The following CTNNA2 variants were observed in gnomAD, a reference collection of about 807,000 sequenced individuals.
CTNNA2 encodes catenin alpha-2.
CTNNA2 carries 42 observed loss-of-function variants against 101.0 expected under a neutral mutation model. That is an observed-to-expected ratio of 0.42 (90% confidence interval 0.32 to 0.54). The LOEUF (loss-of-function observed/expected upper bound fraction) is 0.54, where lower values mean the gene tolerates loss of function less well. Ranked by LOEUF, CTNNA2 falls within the 20% of genes least tolerant of loss-of-function variation. The pLI, the probability that CTNNA2 is intolerant of heterozygous loss-of-function variation, is 0.14. For missense variants in CTNNA2, 871 were observed against 1,223.1 expected (o/e 0.71, Z 4.29); for synonymous variants, 450 against 456.4 (o/e 0.99, Z 0.18).
At chr2:79,804,098 T>C (rs764725943) in intron 3 of CTNNA2, among the ~76,000 whole-genome samples, 1 of 152,238 alleles carries the variant, frequency 6.6e-6, no homozygotes, top group Non-Finnish European at 1.5e-5. Context: ...GAAATGCTTA[T>C]TTCTTCCAAC....
chr2:80,460,591 C>G (rs769461125), intron 9 of CTNNA2, among the ~76,000 whole-genome samples: 2 of 152,166 alleles, frequency 1.3e-5, no homozygotes, highest in Non-Finnish European at 2.9e-5. Flanking sequence ...CATCTACCCT[C>G]ACCCCAGCTG....
At chr2:79,247,791 G>A (rs1405270526) in intron 2 of CTNNA2, among the ~76,000 whole-genome samples, 2 of 152,158 alleles carry the variant, frequency 1.3e-5, no homozygotes, top group African/African-American at 4.8e-5. Flanking sequence ...GAAGCAGAAA[G>A]TGATCTGAAG....
intron 1 of CTNNA2, among the ~76,000 whole-genome samples, chr2:79,561,879 T>G (rs1674804562): frequency 6.6e-6 from 1 of 151,904 alleles, no homozygotes; most frequent in African/African-American, 2.4e-5. Flanking sequence ...GATATATGAT[T>G]TGAAAAAATT....
intron 2 of CTNNA2, among the ~76,000 whole-genome samples, chr2:79,200,319 G>A (rs369377366): frequency 6.6e-6 from 1 of 151,878 alleles, no homozygotes; most frequent in African/African-American, 2.4e-5. Flanking sequence ...GGAAGGAAGA[G>A]GTTGCAGTGA....
chr2:79,256,929 T>G (rs1486136247), intron 2 of CTNNA2, among the ~76,000 whole-genome samples: 2 of 152,188 alleles, frequency 1.3e-5, no homozygotes, highest in Admixed American at 6.5e-5. Context: ...GATATGATAT[T>G]ATTTTATTTG....
intron 9 of CTNNA2, among the ~76,000 whole-genome samples, chr2:80,476,000 G>A (rs1254867099): frequency 1.3e-5 from 2 of 152,118 alleles, no homozygotes; most frequent in Non-Finnish European, 2.9e-5. Context: ...GCCCTTGTGT[G>A]CCCTTCTCAA....
chr2:79,664,248 C>T (rs1478738410), intron 2 of CTNNA2, among the ~76,000 whole-genome samples: 5 of 152,146 alleles, frequency 3.3e-5, no homozygotes, highest in African/African-American at 1.2e-4. Flanking sequence ...TAAATAATCT[C>T]TATATTTTCT....
At chr2:80,168,882 C>A (rs1038141226) in intron 7 of CTNNA2, among the ~76,000 whole-genome samples, 1 of 152,134 alleles carries the variant, frequency 6.6e-6, no homozygotes, top group African/African-American at 2.4e-5. Context: ...TCCCGCAAAC[C>A]AAATTTTCTT....
chr2:79,351,757 G>A (rs1161438402), intron 3 of CTNNA2, among the ~76,000 whole-genome samples: 1 of 152,116 alleles, frequency 6.6e-6, no homozygotes, highest in Non-Finnish European at 1.5e-5. Flanking sequence ...ATGATGCAAA[G>A]GACTTAATTT....
intron 2 of CTNNA2, among the ~76,000 whole-genome samples, chr2:79,702,668 G>A (rs1685090646): frequency 6.6e-6 from 1 of 152,148 alleles, no homozygotes; most frequent in Admixed American, 6.5e-5. Flanking sequence ...TAGGTTCCTG[G>A]GAACCGCTTT....
chr2:80,313,644 C>A, intron 7 of CTNNA2: 2 of 1,607,234 alleles, frequency 1.2e-6, no homozygotes, highest in Admixed American at 3.4e-5. Flanking sequence ...CATACCATGT[C>A]TGGAGCACAG....
At chr2:80,280,608 C>T (rs1019886144) in intron 7 of CTNNA2, among the ~76,000 whole-genome samples, 7 of 151,976 alleles carry the variant, frequency 4.6e-5, no homozygotes, top group African/African-American at 1.7e-4. Context: ...GATAATCATC[C>T]ACCCTTATCC....
intron 2 of CTNNA2, among the ~76,000 whole-genome samples, chr2:79,732,595 A>T (rs1047884455): frequency 2.0e-5 from 3 of 152,132 alleles, no homozygotes; most frequent in African/African-American, 7.2e-5. Flanking sequence ...TGTATTACAT[A>T]CATTATACAA....
At chr2:79,882,556 C>T (rs1395556709) in intron 6 of CTNNA2, among the ~76,000 whole-genome samples, 1 of 152,214 alleles carries the variant, frequency 6.6e-6, no homozygotes, top group Non-Finnish European at 1.5e-5. Context: ...GTCCAGCCTC[C>T]CTGGCTCCAG....
chr2:80,481,607 A>C (rs1264904066), intron 9 of CTNNA2, among the ~76,000 whole-genome samples: 1 of 152,142 alleles, frequency 6.6e-6, no homozygotes, highest in Non-Finnish European at 1.5e-5. Context: ...TGACCTTCTT[A>C]TTGGACCCTC....
At chr2:79,408,339 A>G (rs1231711709) in intron 4 of CTNNA2, among the ~76,000 whole-genome samples, 1 of 151,336 alleles carries the variant, frequency 6.6e-6, no homozygotes, top group African/African-American at 2.4e-5. Context: ...GTTTTAGGGT[A>G]CATGTACACA....
intron 1 of CTNNA2, among the ~76,000 whole-genome samples, chr2:79,552,671 C>A (rs941029732): frequency 6.6e-6 from 1 of 152,214 alleles, no homozygotes; most frequent in Non-Finnish European, 1.5e-5. Flanking sequence ...TCACACTCTG[C>A]ACACCCTGAG....
intron 2 of CTNNA2, among the ~76,000 whole-genome samples, chr2:79,701,460 T>A (rs929097187): frequency 1.1e-4 from 17 of 152,166 alleles, no homozygotes; most frequent in Admixed American, 1.1e-3. Context: ...AGATCCCACC[T>A]TTAGTCATGC....
intron 8 of CTNNA2, among the ~76,000 whole-genome samples, chr2:80,413,952 A>G (rs541489788): frequency 6.6e-6 from 1 of 152,354 alleles, no homozygotes; most frequent in Admixed American, 6.5e-5. Context: ...ACATTTATCT[A>G]AATGACAGGG....
Sources: allele counts gnomAD v4.1 joint callset (sites outside exome capture counted in the v4.1 genomes callset), GRCh38; gene constraint gnomAD v4.1.1; transcripts MANE v1.5; gene names NCBI Gene and HGNC (gene_info 2026-07-23, HGNC 2026-07-21).